NCOR2: variants seen among roughly 807,000 people sequenced by gnomAD.
The protein encoded by NCOR2 is nuclear receptor corepressor 2.
Under a neutral mutation model 262.9 loss-of-function variants are expected in NCOR2, and 81 were observed. The observed-to-expected ratio is 0.31, with a 90% CI of 0.26 to 0.37. The LOEUF (loss-of-function observed/expected upper bound fraction) is 0.37, where lower values mean the gene tolerates loss of function less well. Among genes scored for constraint, NCOR2 ranks in the 10% least tolerant of loss-of-function variants. The pLI, the probability that NCOR2 is intolerant of heterozygous loss-of-function variation, is 1.00. For synonymous variants in NCOR2, 1,659 were observed against 1,559.3 expected, an observed-to-expected ratio of 1.06 and a Z score of -1.51; for missense variants, 3,385 against 3,621.4, an observed-to-expected ratio of 0.93 and a Z score of 1.68.
At chr12:124,384,993 A>C (rs932242915) in intron 17 of NCOR2, among the ~76,000 whole-genome samples, 1 of 152,092 alleles carries the variant, frequency 6.6e-6, no homozygotes, top group Non-Finnish European at 1.5e-5. Context: ...CCCAGCTCCA[A>C]AAAGGGGACA....
At position 124,567,000 on chromosome 12, in the gene NCOR2, A is replaced by C. The variant is rs1321771543; in HGVS notation, c.-165+308T>G. On this transcript the variant is annotated intron_variant, in intron 1 of 32. Transcript: ENST00000458234. The surrounding 1 kb of genome is among the most constrained non-coding windows in gnomAD (Gnocchi z 4.3). ...GCGGCCAAGTCCCCAGAGCCGGCGC[A>C]CACTGTGGGGGGCCGCTCTGTGCAT... Among the ~76,000 whole-genome samples, 1 of 152,056 alleles carries C rather than the reference A, an allele frequency of 6.6e-6. No individual in the cohort carries two copies. The highest frequency in any genetic ancestry group is 1.5e-5 in the Non-Finnish European group (1 of 67,972).
intron 6 of NCOR2, among the ~76,000 whole-genome samples, chr12:124,455,190 C>G (rs1457035593): frequency 6.6e-6 from 1 of 152,216 alleles, no homozygotes; most frequent in African/African-American, 2.4e-5. Flanking sequence ...TGTGAATACA[C>G]TAAAACCCAC....
intron 18 of NCOR2, among the ~76,000 whole-genome samples, chr12:124,377,488 C>T (rs994362593): frequency 3.3e-5 from 5 of 152,096 alleles, no homozygotes; most frequent in African/African-American, 4.8e-5. Flanking sequence ...CAATATTTAC[C>T]GACTGACAGA....
At chr12:124,498,127 T>C (rs571316150), upstream of NCOR2, among the ~76,000 whole-genome samples, 187 of 152,326 alleles carry the variant, frequency 1.2e-3, 1 homozygote, top group African/African-American at 4.4e-3. Flanking sequence ...TGCCCCTCTT[T>C]CAAGGGCACC....
chr12:124,532,726 G>T (rs1333359197), intron 1 of NCOR2, among the ~76,000 whole-genome samples: 1 of 152,184 alleles, frequency 6.6e-6, no homozygotes, highest in Non-Finnish European at 1.5e-5. Context: ...GATGGACGGG[G>T]GACAGAGAGG....
chr12:124,505,954 C>T (rs1034555208), intron 1 of NCOR2, among the ~76,000 whole-genome samples: 4 of 152,074 alleles, frequency 2.6e-5, no homozygotes, highest in African/African-American at 4.8e-5. Flanking sequence ...GGAAAATAGG[C>T]CAGGTGCAAA....
chr12:124,371,751 A>T (rs1593255679), intron 20 of NCOR2, among the ~76,000 whole-genome samples: 1 of 151,526 alleles, frequency 6.6e-6, no homozygotes, highest in Admixed American at 6.6e-5. Flanking sequence ...TGCCTGGCAC[A>T]CTCTCTCCCT....
rs182527233 is a variant in NCOR2, at chr12:124,348,367, C to T, written c.3845-53G>A. ...GGAGCTGGGCACGGGCCCAGGACCA[C>T]GGTGGGCAGGCAGGACAGGCAGAGC... is the stretch of plus-strand genomic sequence containing the variant. On this transcript the variant is annotated intron_variant, in intron 28 of 46. Coordinates refer to ENST00000405201, the Ensembl canonical transcript of NCOR2. The T allele has an allele frequency of 2.7e-5, 42 of 1,546,064 alleles. No homozygotes were observed. In the African/African-American group the frequency reaches 4.2e-4, roughly 16 times the overall value.
At chr12:124,445,538 C>T (rs534874826) in intron 7 of NCOR2, among the ~76,000 whole-genome samples, 6 of 152,292 alleles carry the variant, frequency 3.9e-5, no homozygotes, top group African/African-American at 7.2e-5. Flanking sequence ...ATTAAAGTGA[C>T]GGGGCAAGGT....
In NCOR2 at chr12:124,483,842, A is replaced by C; in HGVS notation, c.234-69T>G. The C allele has an allele frequency of 6.9e-7, 1 of 1,447,430 alleles. No individual in the cohort carries two copies. Among genetic ancestry groups the C allele is most frequent in the East Asian group, 2.6e-5 (1 of 39,178 alleles). The allele number at this position is 1,447,430 out of a possible 1,614,324, so 89.7% of individuals were successfully genotyped here. On this transcript the variant is annotated intron_variant, in intron 2 of 46. Coordinates refer to ENST00000405201, the Ensembl canonical transcript of NCOR2. The surrounding 1 kb of genome is among the most constrained non-coding windows in gnomAD (Gnocchi z 6.3). ...TCTGAGAACTCCCGAGGCCCCGACC[A>C]CCCTCTGCGCCGAGCATCTACTGCG... is the stretch of plus-strand genomic sequence containing the variant.
At chr12:124,392,458 C>T (rs1372746063) in intron 16 of NCOR2, among the ~76,000 whole-genome samples, 3 of 152,140 alleles carry the variant, frequency 2.0e-5, no homozygotes, top group Non-Finnish European at 4.4e-5. Context: ...AGCCCCGAGG[C>T]ACCGCACCGT....
chr12:124,418,477 G>A (rs2043028037), intron 13 of NCOR2, among the ~76,000 whole-genome samples: 1 of 24,798 alleles, frequency 4.0e-5, no homozygotes, highest in South Asian at 2.1e-3. Flanking sequence ...GAAAGGGAAG[G>A]CGGGGCAGCT....
At chr12:124,453,133 G>A (rs551961852) in intron 6 of NCOR2, among the ~76,000 whole-genome samples, 9 of 152,066 alleles carry the variant, frequency 5.9e-5, no homozygotes, top group Non-Finnish European at 1.3e-4. Flanking sequence ...CGCAGGGCCC[G>A]AGGGGACTCC....
chr12:124,440,660 G>A lies in NCOR2; in HGVS notation c.816-2664C>T, dbSNP rs2044753104. On this transcript the variant is annotated intron_variant, in intron 7 of 46. Transcript: ENST00000405201. This position sits in a 1 kb window ranked among gnomAD's most constrained non-coding sequence, Gnocchi z 5.7. ...CAGCAGGGAGCAAGACACAGTTGAG[G>A]GCTCTCACAGAGGTGACACTGACAA... is the stretch of plus-strand genomic sequence containing the variant. Among the ~76,000 whole-genome samples, 1 of 152,212 alleles carries A rather than the reference G, an allele frequency of 6.6e-6. No individual in the cohort carries two copies. Among genetic ancestry groups the A allele is most frequent in the Admixed American group, 6.5e-5 (1 of 15,282 alleles).
At chr12:124,521,289 G>A (rs2050172282) in intron 1 of NCOR2, among the ~76,000 whole-genome samples, 1 of 152,222 alleles carries the variant, frequency 6.6e-6, no homozygotes, top group Non-Finnish European at 1.5e-5. Context: ...ACAGCACCGT[G>A]AGCCAGACAC....
rs200035053 is a variant in NCOR2 at position 124,362,702 on chromosome 12, G to A, written c.2929-405C>T. 6.9e-4 allele frequency among the ~76,000 whole-genome samples: 104 copies of A among 150,366 alleles called. No homozygotes were observed. The East Asian group carries it at 0.016, about 22-fold the overall frequency. ...CTCCCAGAACCTGGCCCAGCTGCCT[G>A]GTGATGGACAGGGGGAGCCCACCTC... On this transcript the variant is annotated intron_variant, in intron 21 of 46. Transcript: ENST00000405201.
At chr12:124,361,833 T>TAAG (rs35480942) in intron 22 of NCOR2, among the ~76,000 whole-genome samples, 122,410 of 152,060 alleles carry the variant, frequency 0.81, 50,124 homozygotes, top group East Asian at 0.97. Flanking sequence ...GGATTTCACA[T>TAAG]AAGATGGATT....
chr12:124,364,306 G>A (rs73223589), intron 20 of NCOR2, among the ~76,000 whole-genome samples: 1 of 152,172 alleles, frequency 6.6e-6, no homozygotes, highest in Non-Finnish European at 1.5e-5. Context: ...ACTCGAATCT[G>A]AGAGGCTCGG....
rs1300326326 is a variant in NCOR2, at chr12:124,457,347, G to A, written c.706-185C>T. 6.6e-6 allele frequency among the ~76,000 whole-genome samples: 1 copy of A among 151,712 alleles called. No homozygotes were observed. Among genetic ancestry groups the A allele is most frequent in the Non-Finnish European group, 1.5e-5 (1 of 67,910 alleles). On this transcript the variant is annotated intron_variant, in intron 5 of 46. Transcript: ENST00000405201. The surrounding 1 kb of genome is among the most constrained non-coding windows in gnomAD (Gnocchi z 4.0). ...CCACGCTGGAAAAAAACACAGAGGA[G>A]CCTCAATACCCCCACAGCGGCCCCA...
Sources: allele counts gnomAD v4.1 joint callset (sites outside exome capture counted in the v4.1 genomes callset), GRCh38; gene constraint gnomAD v4.1.1; non-coding constraint Gnocchi (gnomAD v3.1); transcripts MANE v1.5; gene names NCBI Gene and HGNC (gene_info 2026-07-23, HGNC 2026-07-21).